CACNA2D2: variants seen among roughly 807,000 people sequenced by gnomAD.
CACNA2D2 encodes the protein calcium voltage-gated channel auxiliary subunit alpha2delta 2.
Under a neutral mutation model 166.4 loss-of-function variants are expected in CACNA2D2, and 48 were observed. That is an observed-to-expected ratio of 0.29 (90% CI 0.23 to 0.37). The LOEUF is 0.37. Ranked by LOEUF, CACNA2D2 falls within the 10% of genes least tolerant of loss-of-function variation. The pLI is 1.00. For missense variants in CACNA2D2, 1,122 were observed against 1,433.0 expected (o/e 0.78, Z 3.50); for synonymous variants, 561 against 573.7 (o/e 0.98, Z 0.32).
At chr3:50,457,673 A>G (rs1709420314) in intron 2 of CACNA2D2, among the ~76,000 whole-genome samples, 1 of 152,082 alleles carries the variant, frequency 6.6e-6, no homozygotes, top group African/African-American at 2.4e-5. Flanking sequence ...CTGCCTCAAC[A>G]CACCTGAGGC....
At chr3:50,499,437 G>C (rs1453381784) in intron 1 of CACNA2D2, among the ~76,000 whole-genome samples, 1 of 152,224 alleles carries the variant, frequency 6.6e-6, no homozygotes, top group East Asian at 1.9e-4. Flanking sequence ...GCCCACTAGA[G>C]GCGGCATCCT....
chr3:50,487,697 G>A (rs1206363818), intron 1 of CACNA2D2, among the ~76,000 whole-genome samples: 1 of 152,122 alleles, frequency 6.6e-6, no homozygotes, highest in Non-Finnish European at 1.5e-5. Flanking sequence ...TCCCCAATCC[G>A]AGAGAAGCCA....
intron 2 of CACNA2D2, among the ~76,000 whole-genome samples, chr3:50,463,648 A>C (rs1709689554): frequency 1.3e-5 from 2 of 152,214 alleles, no homozygotes; most frequent in South Asian, 4.1e-4. Flanking sequence ...CTGTCTGAGA[A>C]ATGGGGCTGA....
intron 3 of CACNA2D2, among the ~76,000 whole-genome samples, chr3:50,402,270 CA>C (rs1706485297): frequency 6.6e-6 from 1 of 152,184 alleles, no homozygotes. Flanking sequence ...TTGCAGAAAC[CA>C]GCTTGAATTT....
intron 2 of CACNA2D2, among the ~76,000 whole-genome samples, chr3:50,451,340 GGT>G (rs1709094829): frequency 6.6e-6 from 1 of 152,046 alleles, no homozygotes; most frequent in Non-Finnish European, 1.5e-5. Flanking sequence ...TGGCCAGGCT[GGT>G]CTTGAACTCC....
chr3:50,367,931 G>T lies in CACNA2D2; in HGVS notation c.2144-29C>A. The T allele has an allele frequency of 1.6e-6, 2 of 1,240,708 alleles. No individual in the cohort carries two copies. Among genetic ancestry groups the T allele is most frequent in the East Asian group, 2.4e-5 (1 of 41,546 alleles). 76.9% of individuals were successfully genotyped at this position (1,240,708 alleles called of 1,614,324 possible). On this transcript the variant is annotated intron_variant, in intron 24 of 37. Transcript: ENST00000424201. This position sits in a 1 kb window ranked among gnomAD's most constrained non-coding sequence, Gnocchi z 6.5. Reference sequence around the variant, plus strand: ...GAACAGGAGGGGAGGGGTGGGGGTGGGGGCATCTTCTTGCAGCTCCTTGCC... The same window carrying T: ...GAACAGGAGGGGAGGGGTGGGGGTGTGGGCATCTTCTTGCAGCTCCTTGCC...
At chr3:50,397,305 A>G (rs1382618402) in intron 3 of CACNA2D2, among the ~76,000 whole-genome samples, 4 of 152,268 alleles carry the variant, frequency 2.6e-5, no homozygotes, top group South Asian at 2.1e-4. Context: ...TTACAGATCA[A>G]TCAGTCCATC....
chr3:50,455,421 G>A (rs918284826), intron 2 of CACNA2D2, among the ~76,000 whole-genome samples: 4 of 152,306 alleles, frequency 2.6e-5, no homozygotes, highest in Admixed American at 6.5e-5. Context: ...GCCTGCGACC[G>A]GCACATGGAC....
At chr3:50,426,000 T>C (rs1707793898) in intron 3 of CACNA2D2, among the ~76,000 whole-genome samples, 1 of 152,144 alleles carries the variant, frequency 6.6e-6, no homozygotes, top group African/African-American at 2.4e-5. Flanking sequence ...TCTAGGCCCT[T>C]GCTCATGCTC....
chr3:50,436,396 C>T (rs993619780), intron 2 of CACNA2D2, among the ~76,000 whole-genome samples: 1 of 152,194 alleles, frequency 6.6e-6, no homozygotes, highest in Admixed American at 6.5e-5. Flanking sequence ...ATGTGGTTCT[C>T]CTGGGAAAGT....
At chr3:50,446,057 C>A (rs1408949850) in intron 2 of CACNA2D2, among the ~76,000 whole-genome samples, 4 of 152,262 alleles carry the variant, frequency 2.6e-5, no homozygotes, top group Non-Finnish European at 5.9e-5. Context: ...ACTGTGCAAA[C>A]AGGACTGATG....
chr3:50,367,922 G>A lies in CACNA2D2; in HGVS notation c.2144-20C>T. 7.0e-7 allele frequency: 1 copy of A among 1,433,068 alleles called. No homozygotes were observed. The allele number at this position is 1,433,068 out of a possible 1,614,324, so 88.8% of individuals were successfully genotyped here. On this transcript the variant is annotated intron_variant, in intron 24 of 37. Coordinates refer to ENST00000424201, the MANE Select transcript of CACNA2D2 (RefSeq NM_006030.4). This position sits in a 1 kb window ranked among gnomAD's most constrained non-coding sequence, Gnocchi z 6.5. ...TGTTGCCTGGAACAGGAGGGGAGGG[G>A]TGGGGGTGGGGGCATCTTCTTGCAG...
intron 3 of CACNA2D2, among the ~76,000 whole-genome samples, chr3:50,404,773 AG>A (rs1706615700): frequency 6.6e-6 from 1 of 152,218 alleles, no homozygotes; most frequent in Admixed American, 6.5e-5. Flanking sequence ...GGGTGCCAGC[AG>A]TAAGTTCTTC....
chr3:50,378,442 C>A, intron 13 of CACNA2D2, 109 bp from the exon 14 acceptor site: 1 of 1,144,378 alleles, frequency 8.7e-7, no homozygotes, highest in East Asian at 2.6e-5. Context: ...CTCTTGGGCT[C>A]CTCTCTTTTT....
intron 4 of CACNA2D2, among the ~76,000 whole-genome samples, chr3:50,392,898 T>A (rs1475090527): frequency 6.6e-6 from 1 of 152,208 alleles, no homozygotes; most frequent in East Asian, 1.9e-4. Context: ...CTCATTCATT[T>A]GTTCACCTTA....
chr3:50,471,430 G>A (rs1169760995), intron 2 of CACNA2D2, among the ~76,000 whole-genome samples: 4 of 152,102 alleles, frequency 2.6e-5, no homozygotes, highest in Non-Finnish European at 5.9e-5. Context: ...CCCTCTGGGC[G>A]CCCCTCCCCA....
intron 22 of CACNA2D2, among the ~76,000 whole-genome samples, chr3:50,372,141 ACT>A (rs1704685202): frequency 6.6e-6 from 1 of 151,074 alleles, no homozygotes; most frequent in Non-Finnish European, 1.5e-5. Flanking sequence ...CACTCCCCTT[ACT>A]CTCTGCCAGG....
chr3:50,368,710 C>T (rs1373498449), intron 23 of CACNA2D2, among the ~76,000 whole-genome samples: 4 of 152,230 alleles, frequency 2.6e-5, no homozygotes, highest in Admixed American at 6.5e-5. Context: ...CTCTGACCCT[C>T]GCTTTTTTCA....
rs970992832 is a variant in CACNA2D2 at position 50,379,492 on chromosome 3, C to T, written c.1092G>A (p.Val364=). 3 of 1,613,892 alleles carry T rather than the reference C, an allele frequency of 1.9e-6. No homozygotes were observed. The highest frequency in any genetic ancestry group is 1.3e-5 in the African/African-American group (1 of 74,948). The change falls in exon 11 of 38, where the codon GTG becomes GTA. Residue 364 remains valine (V), a synonymous_variant. Transcript: ENST00000424201. The surrounding 1 kb of genome is among the most constrained non-coding windows in gnomAD (Gnocchi z 6.5). ...CCTTGTAGCCTGTGGTGCCCTTGGCCACCATGCCCTGCACAGCTTCCTTGA... is the reference window on the plus strand; with the variant it reads ...CCTTGTAGCCTGTGGTGCCCTTGGCTACCATGCCCTGCACAGCTTCCTTGA... ...KVFKEAVQGM[V]AKGTTGYKAG...
Sources: allele counts gnomAD v4.1 joint callset (sites outside exome capture counted in the v4.1 genomes callset), GRCh38; gene constraint gnomAD v4.1.1; non-coding constraint Gnocchi (gnomAD v3.1); transcripts MANE v1.5; gene names NCBI Gene and HGNC (gene_info 2026-07-23, HGNC 2026-07-21).